NFYC: variants seen among roughly 807,000 people sequenced by gnomAD.
NFYC encodes CAAT box DNA-binding protein subunit C.
A neutral mutation model predicts 53.1 loss-of-function variants in NFYC; 25 were observed. The observed-to-expected ratio is 0.47, with a 90% CI of 0.34 to 0.66. The LOEUF (loss-of-function observed/expected upper bound fraction) is 0.66. NFYC is among the 30% of genes least tolerant of loss of function. NFYC has a pLI of 0.01. For missense variants in NFYC, 260 were observed against 422.7 expected (o/e 0.62, Z 3.38); for synonymous variants, 145 against 152.6 (o/e 0.95, Z 0.37).
Position 40,767,741 on chromosome 1 carries a change from A to G in NFYC, c.828+1038A>G, listed in dbSNP as rs1305434957. ...CTGTAATCCCAGCACTTTGGGAGGGAGGCTGAGGCAGGTGATCACATGAGG... is the reference window on the plus strand; with the variant it reads ...CTGTAATCCCAGCACTTTGGGAGGGGGGCTGAGGCAGGTGATCACATGAGG... On this transcript the variant is annotated intron_variant, in intron 8 of 9. Coordinates refer to ENST00000447388, the MANE Select transcript of NFYC (RefSeq NM_014223.5). Among the ~76,000 whole-genome samples, 5 of 152,194 alleles carry G rather than the reference A, an allele frequency of 3.3e-5. No homozygotes were observed. In the East Asian group the frequency reaches 9.7e-4, roughly 29 times the overall value.
intron 2 of NFYC, among the ~76,000 whole-genome samples, chr1:40,742,278 G>A (rs1483054997): frequency 2.0e-5 from 3 of 150,432 alleles, no homozygotes; most frequent in Admixed American, 6.6e-5. Context: ...TTGTTTATCC[G>A]TTCATCTGTT....
intron 1 of NFYC, among the ~76,000 whole-genome samples, chr1:40,737,033 A>C (rs1300311920): frequency 2.0e-5 from 3 of 149,962 alleles, no homozygotes; most frequent in Admixed American, 6.6e-5. Context: ...AGGCTGAGGC[A>C]GGAGAATCAC....
intron 8 of NFYC, 58 bp downstream of exon 8, chr1:40,766,761 CAGGAA>C: frequency 6.4e-7 from 1 of 1,555,434 alleles, no homozygotes; most frequent in South Asian, 1.1e-5. Context: ...TGGCTTCTGA[CAGGAA>C]AGGAGCGCTC....
intron 1 of NFYC, among the ~76,000 whole-genome samples, chr1:40,710,794 G>A (rs10489167): frequency 0.12 from 18,671 of 152,130 alleles, 1,270 homozygotes; most frequent in African/African-American, 0.15. Context: ...TAATGATATA[G>A]CAAGTCAAAG....
At chr1:40,765,312 G>A (rs1429741036) in intron 7 of NFYC, among the ~76,000 whole-genome samples, 2 of 152,104 alleles carry the variant, frequency 1.3e-5, no homozygotes. Flanking sequence ...GTTTAGATTG[G>A]GTGTCCCTCC....
At chr1:40,767,318 A>G (rs1157092555) in intron 8 of NFYC, 2 of 303,736 alleles carry the variant, frequency 6.6e-6, no homozygotes, top group Non-Finnish European at 1.3e-5. Context: ...CAGACCCAAA[A>G]AAAGCAGCGA....
rs367842395 is a variant in NFYC at position 40,762,828 on chromosome 1, G to A, written c.562-60G>A. 159 of 1,435,438 alleles carry A rather than the reference G, an allele frequency of 1.1e-4. 1 individual carries two copies. The African/African-American group carries it at 1.9e-3, about 17-fold the overall frequency. The allele number at this position is 1,435,438 out of a possible 1,614,324, so 88.9% of individuals were successfully genotyped here. ...GCACATTGCTCGTTATTAACCTCTC[G>A]GTAATCCTGTGGGCTCTGAGCCTGA... is the stretch of plus-strand genomic sequence containing the variant. On this transcript the variant is annotated intron_variant, in intron 6 of 9. Transcript: ENST00000447388.
At chr1:40,763,081 T>C (rs1490810552) in intron 7 of NFYC, 35 bp downstream of exon 7, 9 of 1,519,158 alleles carry the variant, frequency 5.9e-6, no homozygotes, top group Non-Finnish European at 8.0e-6. Context: ...TTTACAACTT[T>C]ATAGAAGGAA....
At chr1:40,751,092 C>T (rs1266807013) in intron 4 of NFYC, among the ~76,000 whole-genome samples, 1 of 152,164 alleles carries the variant, frequency 6.6e-6, no homozygotes, top group Non-Finnish European at 1.5e-5. Flanking sequence ...CTCTTAACAA[C>T]CTTGTTTATA....
intron 1 of NFYC, among the ~76,000 whole-genome samples, chr1:40,727,919 C>T (rs538292768): frequency 7.0e-4 from 107 of 152,120 alleles, no homozygotes; most frequent in African/African-American, 2.5e-3. Context: ...GAATCCCTGT[C>T]TATGGCAGCT....
chr1:40,745,548 A>G (rs1645567523), intron 2 of NFYC, among the ~76,000 whole-genome samples: 1 of 152,192 alleles, frequency 6.6e-6, no homozygotes, highest in Non-Finnish European at 1.5e-5. Context: ...CAGGTAGTAG[A>G]TCTAAAACTT....
intron 2 of NFYC, among the ~76,000 whole-genome samples, chr1:40,745,201 G>T (rs1307395874): frequency 1.3e-5 from 2 of 152,114 alleles, no homozygotes; most frequent in Admixed American, 1.3e-4. Context: ...TTCAATTTGG[G>T]GAAAGAGGTC....
intron 1 of NFYC, among the ~76,000 whole-genome samples, chr1:40,717,016 G>A (rs1395941741): frequency 1.3e-5 from 2 of 152,168 alleles, no homozygotes; most frequent in African/African-American, 4.8e-5. Context: ...TCAGTTCTGG[G>A]TAGCTTTCTG....
At chr1:40,769,820 A>AC (rs1373525903) in intron 9 of NFYC, among the ~76,000 whole-genome samples, 1 of 152,158 alleles carries the variant, frequency 6.6e-6, no homozygotes, top group Non-Finnish European at 1.5e-5. Flanking sequence ...GACGCAGAGA[A>AC]CACGTGACCT....
intron 1 of NFYC, among the ~76,000 whole-genome samples, chr1:40,698,278 G>A (rs1171709897): frequency 2.0e-5 from 3 of 150,950 alleles, no homozygotes; most frequent in East Asian, 2.0e-4. Context: ...CAGGAGAATC[G>A]CTCGAACCCA....
intron 2 of NFYC, among the ~76,000 whole-genome samples, chr1:40,747,219 T>A (rs1458946915): frequency 7.5e-6 from 1 of 132,658 alleles, no homozygotes; most frequent in Non-Finnish European, 1.6e-5. Flanking sequence ...AAGGCGCTCA[T>A]AATGTCCCTC....
At chr1:40,750,264 G>A (rs1645840813) in intron 4 of NFYC, among the ~76,000 whole-genome samples, 1 of 152,066 alleles carries the variant, frequency 6.6e-6, no homozygotes, top group South Asian at 2.1e-4. Flanking sequence ...CTGGCTCTTA[G>A]AGGAAAGATT....
At chr1:40,726,664 G>T (rs2148516518) in intron 1 of NFYC, among the ~76,000 whole-genome samples, 1 of 150,356 alleles carries the variant, frequency 6.7e-6, no homozygotes, top group South Asian at 2.1e-4. Flanking sequence ...TGATCCTCTT[G>T]CCCTAGCCTC....
At position 40,706,282 on chromosome 1, in the gene NFYC, G is replaced by T. The variant is rs1370672870; in HGVS notation, c.-9+14415G>T. On this transcript the variant is annotated intron_variant, in intron 1 of 9. Coordinates refer to ENST00000447388, the MANE Select transcript of NFYC (RefSeq NM_014223.5). The stretch of plus-strand genomic sequence containing the variant: ...CCTCACTCTTTCTCACTGGTAGAAG[G>T]GTATTGTAGTGAGAATTAGAGGGGT... 2.6e-5 allele frequency among the ~76,000 whole-genome samples: 4 copies of T among 151,860 alleles called. No individual in the cohort carries two copies. In the East Asian group the frequency reaches 7.7e-4, roughly 29 times the overall value.
Sources: allele counts gnomAD v4.1 joint callset (sites outside exome capture counted in the v4.1 genomes callset), GRCh38; gene constraint gnomAD v4.1.1; transcripts MANE v1.5; gene names NCBI Gene and HGNC (gene_info 2026-07-23, HGNC 2026-07-21).